The following SIPA1L3 variants were observed in gnomAD, a reference collection of about 807,000 sequenced individuals.
SIPA1L3 encodes the protein signal-induced proliferation-associated 1-like protein 3.
A neutral mutation model predicts 150.1 loss-of-function variants in SIPA1L3; 59 were observed. That is an observed-to-expected ratio of 0.39 (90% CI 0.32 to 0.49). The LOEUF (loss-of-function observed/expected upper bound fraction) is 0.49. Among genes scored for constraint, SIPA1L3 ranks in the 20% least tolerant of loss-of-function variants. The probability of loss-of-function intolerance (pLI) is 0.86; values close to 1 mark genes in which losing one functional copy is unlikely to be tolerated. For synonymous variants in SIPA1L3, 1,070 were observed against 1,077.6 expected (o/e 0.99, Z 0.14); for missense variants, 2,211 against 2,489.5 (o/e 0.89, Z 2.38).
intron 1 of SIPA1L3, among the ~76,000 whole-genome samples, chr19:37,987,421 A>C (rs1967383813): frequency 6.6e-6 from 1 of 152,168 alleles, no homozygotes; most frequent in Non-Finnish European, 1.5e-5. Flanking sequence ...AGCCTAGACC[A>C]GGGTTTGTGA....
At chr19:38,006,648 A>G (rs76094575) in intron 1 of SIPA1L3, among the ~76,000 whole-genome samples, 3,339 of 152,312 alleles carry the variant, frequency 0.022, 67 homozygotes, top group Middle Eastern at 0.037. Flanking sequence ...AGGCGTGCGC[A>G]CATGCTGTGG....
intron 1 of SIPA1L3, among the ~76,000 whole-genome samples, chr19:37,951,624 C>T (rs541393675): frequency 2.0e-5 from 3 of 152,112 alleles, no homozygotes; most frequent in East Asian, 3.9e-4. Flanking sequence ...CCGGGCCAGG[C>T]GCAGCGGCTC....
chr19:38,168,995 C>T (rs923426405), intron 15 of SIPA1L3, among the ~76,000 whole-genome samples: 6 of 152,118 alleles, frequency 3.9e-5, no homozygotes, highest in East Asian at 1.9e-4. Flanking sequence ...TATATGCTTG[C>T]TTTCATGAGT....
chr19:37,952,665 T>A (rs1320428445), intron 1 of SIPA1L3, among the ~76,000 whole-genome samples: 1 of 152,210 alleles, frequency 6.6e-6, no homozygotes, highest in East Asian at 1.9e-4. Context: ...AGAGTGAGAC[T>A]CTGTCTCAAA....
chr19:38,146,149 C>G (rs1971699849), intron 12 of SIPA1L3, among the ~76,000 whole-genome samples: 1 of 152,194 alleles, frequency 6.6e-6, no homozygotes, highest in Admixed American at 6.5e-5. Flanking sequence ...CAGGCGTGAG[C>G]CACCACACCC....
intron 1 of SIPA1L3, among the ~76,000 whole-genome samples, chr19:37,951,833 G>A (rs2046767121): frequency 6.8e-6 from 1 of 146,130 alleles, no homozygotes; most frequent in South Asian, 2.2e-4. Context: ...GGAGGCGGAG[G>A]CTGCAGTGAG....
intron 1 of SIPA1L3, among the ~76,000 whole-genome samples, chr19:37,919,700 T>C (rs1185531854): frequency 1.5e-5 from 2 of 136,868 alleles, no homozygotes; most frequent in Non-Finnish European, 3.1e-5. Flanking sequence ...CTTTGGGCCC[T>C]GAGGCTTTTT....
chr19:37,922,960 C>T (rs1309318029), intron 1 of SIPA1L3, among the ~76,000 whole-genome samples: 7 of 148,778 alleles, frequency 4.7e-5, no homozygotes, highest in Non-Finnish European at 1.0e-4. Context: ...AACCCTGTCT[C>T]TACTAAAAAT....
At chr19:38,010,248 A>G (rs1372433726) in intron 1 of SIPA1L3, among the ~76,000 whole-genome samples, 6 of 151,870 alleles carry the variant, frequency 4.0e-5, no homozygotes, top group African/African-American at 1.5e-4. Flanking sequence ...TGAACATAAA[A>G]ATTTTTTAAA....
chr19:38,163,172 G>A (rs1055245847), intron 14 of SIPA1L3, among the ~76,000 whole-genome samples: 4 of 152,192 alleles, frequency 2.6e-5, no homozygotes, highest in Non-Finnish European at 5.9e-5. Context: ...CAAGCAGTAA[G>A]CAGATAAACA....
chr19:37,955,627 T>C (rs1420444826), intron 1 of SIPA1L3, among the ~76,000 whole-genome samples: 1 of 152,206 alleles, frequency 6.6e-6, no homozygotes, highest in African/African-American at 2.4e-5. Context: ...TCATACAGTA[T>C]GTAGTCTTTT....
intron 2 of SIPA1L3, among the ~76,000 whole-genome samples, chr19:38,075,865 C>T (rs1023256925): frequency 4.8e-5 from 7 of 146,212 alleles, no homozygotes; most frequent in Non-Finnish European, 7.6e-5. Flanking sequence ...ATGTTAAGGC[C>T]GGGCACGGTG....
At chr19:38,043,301 C>G (rs1968968284) in intron 2 of SIPA1L3, among the ~76,000 whole-genome samples, 1 of 152,094 alleles carries the variant, frequency 6.6e-6, no homozygotes, top group Non-Finnish European at 1.5e-5. Flanking sequence ...GATCACACCA[C>G]TGCACTCCAG....
At chr19:38,130,413 T>C in intron 9 of SIPA1L3, 85 bp from the exon 10 acceptor site, 1 of 1,464,374 alleles carries the variant, frequency 6.8e-7, no homozygotes, top group Non-Finnish European at 9.2e-7. Context: ...GGTTTTTGGC[T>C]TCAAAGCGGG....
chr19:38,014,464 G>T (rs886724768), intron 1 of SIPA1L3, among the ~76,000 whole-genome samples: 1 of 151,190 alleles, frequency 6.6e-6, no homozygotes, highest in African/African-American at 2.4e-5. Flanking sequence ...GGGGCAGAAA[G>T]CACAGGCAAC....
chr19:38,192,341 C>G, intron 17 of SIPA1L3, 31 bp downstream of exon 17: 1 of 1,552,108 alleles, frequency 6.4e-7, no homozygotes, highest in East Asian at 2.3e-5. Flanking sequence ...CGCTCCCGAC[C>G]CCCAGCTCCC....
chr19:37,980,937 C>T (rs1377270630), intron 1 of SIPA1L3, among the ~76,000 whole-genome samples: 1 of 152,210 alleles, frequency 6.6e-6, no homozygotes, highest in Non-Finnish European at 1.5e-5. Flanking sequence ...AGTCATGAGA[C>T]ACGGGACACA....
intron 1 of SIPA1L3, among the ~76,000 whole-genome samples, chr19:38,018,780 GCTTA>G (rs1303916482): frequency 4.6e-5 from 7 of 152,030 alleles, no homozygotes; most frequent in African/African-American, 1.7e-4. Flanking sequence ...GTACCTGTTT[GCTTA>G]CTTCTTTACT....
chr19:38,089,862 C>T (rs1970222637), intron 4 of SIPA1L3, among the ~76,000 whole-genome samples: 1 of 152,234 alleles, frequency 6.6e-6, no homozygotes, highest in African/African-American at 2.4e-5. Flanking sequence ...TCCGGCATAG[C>T]TGGACTTAGA....
Sources: gnomAD v4.1 joint callset for allele counts (sites outside exome capture counted in the v4.1 genomes callset) on GRCh38, gnomAD v4.1.1 for gene constraint, MANE v1.5 for transcripts, NCBI Gene and HGNC (gene_info 2026-07-23, HGNC 2026-07-21) for gene names.